Variants in PCDHGA5 observed in about 807,000 individuals in gnomAD.
The protein encoded by PCDHGA5 is protocadherin gamma subfamily A, 5, also known as protocadherin gamma-A5.
A neutral mutation model predicts 56.7 loss-of-function variants in PCDHGA5; 36 were observed. That is an observed-to-expected ratio of 0.64 (90% CI 0.49 to 0.84). The LOEUF (loss-of-function observed/expected upper bound fraction) is 0.84, where lower values mean the gene tolerates loss of function less well. Among genes scored for constraint, PCDHGA5 ranks in the 40% least tolerant of loss-of-function variants. PCDHGA5 has a pLI of 0.00. For missense variants in PCDHGA5, 1,305 were observed against 1,201.5 expected (o/e 1.09, Z -1.27); for synonymous variants, 563 against 520.2 (o/e 1.08, Z -1.12).
chr5:141,424,023 A>G (rs1391381195), intron 1 of PCDHGA5: 1 of 1,047,166 alleles, frequency 9.5e-7, no homozygotes, highest in Non-Finnish European at 1.2e-6. Context: ...TGATTCACAA[A>G]CACTTTTTAT....
At chr5:141,446,365 G>T (rs2098499873) in intron 1 of PCDHGA5, among the ~76,000 whole-genome samples, 1 of 152,194 alleles carries the variant, frequency 6.6e-6, no homozygotes, top group Non-Finnish European at 1.5e-5. Flanking sequence ...GATGAGAATG[G>T]AAGACTAAAG....
At chr5:141,438,305 G>T (rs1287488865) in intron 1 of PCDHGA5, among the ~76,000 whole-genome samples, 2 of 151,822 alleles carry the variant, frequency 1.3e-5, no homozygotes, top group East Asian at 1.9e-4. Context: ...AAAGAAGTTG[G>T]TACCACCATA....
At chr5:141,423,549 C>T (rs748764057) in intron 1 of PCDHGA5, 113 of 1,613,568 alleles carry the variant, frequency 7.0e-5, no homozygotes, top group Non-Finnish European at 8.7e-5. Flanking sequence ...TCCCCCAGCC[C>T]AACTATGGGG....
At chr5:141,505,298 T>TA in intron 2 of PCDHGA5, 95 bp from the exon 3 acceptor site, 1 of 1,586,334 alleles carries the variant, frequency 6.3e-7, no homozygotes, top group Non-Finnish European at 8.6e-7. Context: ...GGGGTAGGGT[T>TA]AGGGTACTAG....
intron 1 of PCDHGA5, chr5:141,374,173 G>A: frequency 6.2e-7 from 1 of 1,613,470 alleles, no homozygotes; most frequent in Non-Finnish European, 8.5e-7. Flanking sequence ...CGGCAGCGCA[G>A]ATCCGCTACT....
At position 141,476,668 on chromosome 5, in the gene PCDHGA5, G is replaced by A; in HGVS notation, c.2422-18139G>A. The A allele has an allele frequency of 6.2e-7, 1 of 1,614,262 alleles. No individual in the cohort carries two copies. Among genetic ancestry groups the A allele is most frequent in the Non-Finnish European group, 8.5e-7 (1 of 1,180,054 alleles). On this transcript the variant is annotated intron_variant, in intron 1 of 3. Transcript: ENST00000518069. This position sits in a 1 kb window ranked among gnomAD's most constrained non-coding sequence, Gnocchi z 7.6. ...GAAATGAATACTTTGCGCTTCGCGT[G>A]CAGACGCGGGAGGACAGCACCAAGT...
At chr5:141,453,379 C>T (rs980792532) in intron 1 of PCDHGA5, among the ~76,000 whole-genome samples, 1 of 152,050 alleles carries the variant, frequency 6.6e-6, no homozygotes, top group Non-Finnish European at 1.5e-5. Context: ...AGTGATCCTC[C>T]TGCCTTAGCC....
In PCDHGA5 at chr5:141,419,435, C is replaced by A. The variant is rs2096382649; in HGVS notation, c.2421+52684C>A. The A allele has an allele frequency of 2.5e-6, 4 of 1,613,108 alleles. No individual in the cohort carries two copies. In the African/African-American group the frequency reaches 4.0e-5, roughly 16 times the overall value. ...GCGCGCCTTCGACCACGAGCAGCTG[C>A]GCACCTTCGAGCTCACGCTGCAGGC... is the stretch of plus-strand genomic sequence containing the variant. On this transcript the variant is annotated intron_variant, in intron 1 of 3. Transcript: ENST00000518069.
In PCDHGA5 at chr5:141,487,574, C is replaced by T. The variant is rs753979217; in HGVS notation, c.2422-7233C>T. ...TGCACCTATGGCAGGGGAGCCTGTTCGCCCAAGCTGCCCACCCTCTGATCT... is the reference window on the plus strand; with the variant it reads ...TGCACCTATGGCAGGGGAGCCTGTTTGCCCAAGCTGCCCACCCTCTGATCT... On this transcript the variant is annotated intron_variant, in intron 1 of 3. Transcript: ENST00000518069. This position sits in a 1 kb window ranked among gnomAD's most constrained non-coding sequence, Gnocchi z 5.0. 1.2e-5 allele frequency: 20 copies of T among 1,614,040 alleles called. 1 individual carries two copies. The highest frequency in any genetic ancestry group is 8.9e-5 in the East Asian group (4 of 44,870).
In PCDHGA5 at chr5:141,385,322, A is replaced by C. The variant is rs1781120693; in HGVS notation, c.2421+18571A>C. On this transcript the variant is annotated intron_variant, in intron 1 of 3. Coordinates refer to ENST00000518069, the MANE Select transcript of PCDHGA5 (RefSeq NM_018918.3). ...TGTAAAGAAAACCTGCCAAGTATTC[A>C]GGTGAGCCCAGCCCTTCCTTTATTT... is the stretch of plus-strand genomic sequence containing the variant. The C allele has an allele frequency of 1.9e-6, 3 of 1,606,974 alleles. No homozygotes were observed. In the East Asian group the frequency reaches 6.7e-5, roughly 36 times the overall value.
At chr5:141,416,794 G>A (rs1002101061) in intron 1 of PCDHGA5, 1 of 152,070 alleles carries the variant, frequency 6.6e-6, no homozygotes, top group East Asian at 1.9e-4. Flanking sequence ...ACTAAATGTG[G>A]TAGTATAAAG....
intron 1 of PCDHGA5, chr5:141,415,814 T>G: frequency 7.5e-7 from 1 of 1,330,430 alleles, no homozygotes; most frequent in South Asian, 1.8e-5. Flanking sequence ...AAGGCCTATA[T>G]ATCATAAGGC....
chr5:141,494,639 C>T, intron 1 of PCDHGA5, 168 bp from the exon 2 acceptor site: 1 of 901,070 alleles, frequency 1.1e-6, no homozygotes, highest in Non-Finnish European at 1.3e-6. Flanking sequence ...ACCTCTGAGA[C>T]CTGAGGTGTA....
chr5:141,373,547 T>C (rs1363440300), intron 1 of PCDHGA5, among the ~76,000 whole-genome samples: 2 of 152,240 alleles, frequency 1.3e-5, no homozygotes, highest in African/African-American at 4.8e-5. Flanking sequence ...TGGTTGTTGG[T>C]ACCCTTACTG....
intron 1 of PCDHGA5, among the ~76,000 whole-genome samples, chr5:141,447,978 C>T (rs759162070): frequency 1.1e-4 from 17 of 151,694 alleles, no homozygotes; most frequent in East Asian, 3.9e-4. Flanking sequence ...CCCAGCTACT[C>T]GGGAGGCTGA....
At chr5:141,389,990 C>G (rs2091998485) in intron 1 of PCDHGA5, 2 of 1,614,044 alleles carry the variant, frequency 1.2e-6, no homozygotes, top group Non-Finnish European at 1.7e-6. Flanking sequence ...TGCTCTTCCT[C>G]GTGGCCATGA....
At position 141,385,168 on chromosome 5, in the gene PCDHGA5, G is replaced by T. The variant is rs376175214; in HGVS notation, c.2421+18417G>T. On this transcript the variant is annotated intron_variant, in intron 1 of 3. Transcript: ENST00000518069. ...TTTCCTGCAGACCTATTCCCATGAG[G>T]TCTCCCTCACCGCGGACTCTCGGAA... 1.5e-5 allele frequency: 24 copies of T among 1,614,100 alleles called. No individual in the cohort carries two copies. Among genetic ancestry groups the T allele is most frequent in the Non-Finnish European group, 2.0e-5 (24 of 1,180,058 alleles).
At chr5:141,376,267 G>C (rs1021502624) in intron 1 of PCDHGA5, 2 of 1,614,092 alleles carry the variant, frequency 1.2e-6, no homozygotes, top group African/African-American at 2.7e-5. Context: ...TGCAGGCTTC[G>C]GGAGGTGGCT....
chr5:141,428,204 C>G, intron 1 of PCDHGA5: 2 of 1,324,722 alleles, frequency 1.5e-6, no homozygotes, highest in Non-Finnish European at 1.1e-6. Context: ...TGCGCCGCTA[C>G]GCTTCACCTA....
Sources: gnomAD v4.1 joint callset for allele counts (sites outside exome capture counted in the v4.1 genomes callset) on GRCh38, gnomAD v4.1.1 for gene constraint, Gnocchi (gnomAD v3.1) non-coding constraint, MANE v1.5 for transcripts, NCBI Gene and HGNC (gene_info 2026-07-23, HGNC 2026-07-21) for gene names.